The following HVCN1 variants were observed in gnomAD, a reference collection of about 807,000 sequenced individuals.
HVCN1 encodes the protein voltage-gated hydrogen channel 1.
A neutral mutation model predicts 29.2 loss-of-function variants in HVCN1; 14 were observed. The ratio of observed to expected loss-of-function variants is 0.48; its 90% confidence interval spans 0.32 to 0.75. HVCN1 has a LOEUF of 0.75. HVCN1 is among the 30% of genes least tolerant of loss of function. The pLI is 0.04. For synonymous variants in HVCN1, 131 were observed against 133.2 expected (o/e 0.98, Z 0.11); for missense variants, 263 against 341.8 (o/e 0.77, Z 1.82).
intron 3 of HVCN1, among the ~76,000 whole-genome samples, chr12:110,666,705 T>C (rs2068373482): frequency 6.6e-6 from 1 of 152,136 alleles, no homozygotes; most frequent in African/African-American, 2.4e-5. Context: ...CAACCTGGAA[T>C]ACTCTTCTCC....
chr12:110,657,461 G>C (rs1187747019), intron 4 of HVCN1, among the ~76,000 whole-genome samples: 1 of 149,558 alleles, frequency 6.7e-6, no homozygotes. Context: ...CACCATTGCA[G>C]TCCAGCTTGG....
At chr12:110,652,995 T>C (rs2067864431) in intron 5 of HVCN1, among the ~76,000 whole-genome samples, 1 of 152,116 alleles carries the variant, frequency 6.6e-6, no homozygotes, top group African/African-American at 2.4e-5. Flanking sequence ...GAAGACTCCC[T>C]GCTGATCAAG....
intron 5 of HVCN1, 62 bp downstream of exon 5, chr12:110,655,172 T>C (rs2067948164): frequency 8.0e-7 from 1 of 1,255,526 alleles, no homozygotes; most frequent in African/African-American, 1.5e-5. Context: ...CTGCACCCCG[T>C]CTGTGCAGAT....
chr12:110,678,439 C>CTTTTTTTTTTTTTTTTT (rs538999674), intron 3 of HVCN1, among the ~76,000 whole-genome samples: 1 of 65,808 alleles, frequency 1.5e-5, no homozygotes, highest in Non-Finnish European at 2.9e-5. Flanking sequence ...CATTCTATTT[C>CTTTTTTTTTTTTTTTTT]TTTTTTTTTT....
chr12:110,683,398 T>A, intron 2 of HVCN1, 134 bp from the exon 3 acceptor site: 1 of 1,067,610 alleles, frequency 9.4e-7, no homozygotes, highest in Non-Finnish European at 1.3e-6. Flanking sequence ...TAGTGTAAAG[T>A]ACAAAGTATA....
chr12:110,673,971 C>T (rs1385804156), intron 3 of HVCN1, among the ~76,000 whole-genome samples: 2 of 152,216 alleles, frequency 1.3e-5, no homozygotes, highest in East Asian at 1.9e-4. Flanking sequence ...GGCCACAGTC[C>T]TCCAGACCCC....
rs1283930851 is a variant in HVCN1, at chr12:110,648,796, G to GTTTAT, written c.*609_*613dup. On this transcript the variant is annotated 3_prime_UTR_variant, in exon 8 of 8. Coordinates refer to ENST00000242607, the MANE Select transcript of HVCN1 (RefSeq NM_032369.4). ...TAGGAGGGTCCAGGGAAAAGAGAGA[G>GTTTAT]TTTATTTTATACAGTAGTTGTTTTA... is the stretch of plus-strand genomic sequence containing the variant. The GTTTAT allele has an allele frequency of 1.3e-5, 4 of 309,186 alleles. No individual in the cohort carries two copies. Among genetic ancestry groups the GTTTAT allele is most frequent in the African/African-American group, 9.3e-5 (4 of 43,154 alleles). 19.2% of individuals were successfully genotyped at this position (309,186 alleles called of 1,614,324 possible).
In HVCN1 at chr12:110,651,341, C is replaced by T. The variant is rs371702882; in HGVS notation, c.519G>A (p.Leu173=). ...ATGAGACCACCACCACGACGGCATC[C>T]AGGATCTCAAACTTGTGGTGAAAGA... ...LEFFHHKFEI[L]DAVVVVVSFI... is the part of the protein sequence containing the mutation. Residue 173 remains leucine (L), a synonymous_variant, in exon 6 of 8, where the codon CTG becomes CTA. Coordinates refer to ENST00000242607, the MANE Select transcript of HVCN1 (RefSeq NM_032369.4). 4.3e-6 allele frequency: 7 copies of T among 1,613,910 alleles called. No homozygotes were observed. Among genetic ancestry groups the T allele is most frequent in the South Asian group, 1.1e-5 (1 of 91,066 alleles).
rs902484781 is a variant in HVCN1 at position 110,661,621 on chromosome 12, A to C, written c.22-173T>G. On this transcript the variant is annotated intron_variant, in intron 3 of 7. Coordinates refer to ENST00000242607, the MANE Select transcript of HVCN1 (RefSeq NM_032369.4). This position sits in a 1 kb window ranked among gnomAD's most constrained non-coding sequence, Gnocchi z 6.2. ...TCTCGTGCTTTTATTTTTGGAATCCAGGGTCTCAGTGTCTATGAGGCAACA... is the reference window on the plus strand; with the variant it reads ...TCTCGTGCTTTTATTTTTGGAATCCCGGGTCTCAGTGTCTATGAGGCAACA... Among the ~76,000 whole-genome samples the C allele has an allele frequency of 6.6e-6, 1 of 152,212 alleles. No individual in the cohort carries two copies. The highest frequency in any genetic ancestry group is 6.5e-5 in the Admixed American group (1 of 15,296).
chr12:110,653,570 G>A (rs2067885184), intron 5 of HVCN1, among the ~76,000 whole-genome samples: 1 of 151,316 alleles, frequency 6.6e-6, no homozygotes. Flanking sequence ...GGCTGGACAC[G>A]GTGGCTCTTG....
At chr12:110,675,895 CA>C (rs1235643908) in intron 3 of HVCN1, among the ~76,000 whole-genome samples, 1 of 152,084 alleles carries the variant, frequency 6.6e-6, no homozygotes, top group African/African-American at 2.4e-5. Context: ...GACAACAGAA[CA>C]AGATTCTGTC....
At chr12:110,649,959 C>G (rs965978211) in intron 7 of HVCN1, among the ~76,000 whole-genome samples, 3 of 152,212 alleles carry the variant, frequency 2.0e-5, no homozygotes, top group African/African-American at 7.2e-5. Context: ...AATTCTCCTG[C>G]CTCAGCCTCC....
chr12:110,683,111 A>G (rs1393440311), intron 3 of HVCN1, 114 bp downstream of exon 3: 2 of 1,343,100 alleles, frequency 1.5e-6, no homozygotes, highest in Non-Finnish European at 1.1e-6. Flanking sequence ...ATATTTCAGT[A>G]TAGTGGAAAC....
chr12:110,650,323 TAACCACTC>T, intron 6 of HVCN1, 43 bp from the exon 7 acceptor site: 1 of 1,264,540 alleles, frequency 7.9e-7, no homozygotes, highest in Non-Finnish European at 1.2e-6. Context: ...GTTTCTAACT[TAACCACTC>T]AGGAAAAAAA....
chr12:110,651,163 T>C, intron 6 of HVCN1, 54 bp downstream of exon 6: 1 of 1,341,128 alleles, frequency 7.5e-7, no homozygotes, highest in South Asian at 1.2e-5. Context: ...AGGCCTTGGA[T>C]GTATGCCTGG....
At chr12:110,683,382 C>T (rs550011172) in intron 2 of HVCN1, 118 bp from the exon 3 acceptor site, 187 of 1,231,520 alleles carry the variant, frequency 1.5e-4, no homozygotes, top group Non-Finnish European at 1.9e-4. Flanking sequence ...TAACTGTGCC[C>T]GAAATTAGTG....
chr12:110,697,706 G>A (rs1022837390), intron 2 of HVCN1, among the ~76,000 whole-genome samples: 8 of 149,090 alleles, frequency 5.4e-5, no homozygotes, highest in Non-Finnish European at 1.2e-4. Flanking sequence ...GCTGCAGTGC[G>A]GTGGCACGAT....
intron 2 of HVCN1, among the ~76,000 whole-genome samples, chr12:110,685,231 A>G (rs1593530721): frequency 6.6e-6 from 1 of 152,282 alleles, no homozygotes; most frequent in South Asian, 2.1e-4. Context: ...CAGAGGCTGG[A>G]GTCAGAAAGA....
intron 4 of HVCN1, among the ~76,000 whole-genome samples, chr12:110,659,677 G>T (rs2068098861): frequency 6.6e-6 from 1 of 152,186 alleles, no homozygotes; most frequent in Non-Finnish European, 1.5e-5. Context: ...ACAGCACTTT[G>T]GGAGGCCAAG....
Sources: gnomAD v4.1 joint callset for allele counts (sites outside exome capture counted in the v4.1 genomes callset) on GRCh38, gnomAD v4.1.1 for gene constraint, Gnocchi (gnomAD v3.1) non-coding constraint, MANE v1.5 for transcripts, NCBI Gene and HGNC (gene_info 2026-07-23, HGNC 2026-07-21) for gene names.